The following FAM151B variants were observed in gnomAD, a reference collection of about 807,000 sequenced individuals.
The protein encoded by FAM151B is family with sequence similarity 151 member B.
FAM151B carries 24 observed loss-of-function variants against 31.2 expected under a neutral mutation model. That is an observed-to-expected ratio of 0.77 (90% confidence interval 0.56 to 1.08). FAM151B has a LOEUF of 1.08. Among genes scored for constraint, FAM151B ranks in the 50% least tolerant of loss-of-function variants. FAM151B has a pLI of 0.00. For missense variants in FAM151B, 293 were observed against 328.6 expected (o/e 0.89, Z 0.84); for synonymous variants, 105 against 111.4 (o/e 0.94, Z 0.36).
chr5:80,488,254 C>T (rs2112589571), intron 1 of FAM151B, 106 bp downstream of exon 1: 4 of 1,363,388 alleles, frequency 2.9e-6, no homozygotes, highest in Non-Finnish European at 3.9e-6. Context: ...TGCTAGGGAC[C>T]TGGGAGCGCG....
At chr5:80,495,691 G>T (rs1021867351) in intron 1 of FAM151B, among the ~76,000 whole-genome samples, 1 of 152,020 alleles carries the variant, frequency 6.6e-6, no homozygotes, top group African/African-American at 2.4e-5. Flanking sequence ...TTAGCCGGGC[G>T]TGGTGGCGGA....
At chr5:80,504,281 C>T (rs1009190306) in intron 2 of FAM151B, among the ~76,000 whole-genome samples, 2 of 152,076 alleles carry the variant, frequency 1.3e-5, no homozygotes, top group African/African-American at 2.4e-5. Context: ...CATTATGATT[C>T]TATTCCAAAA....
rs1406619538 is a variant in FAM151B at position 80,538,503 on chromosome 5, C to G, written c.672-3170C>G. On this transcript the variant is annotated intron_variant, in intron 5 of 5. Transcript: ENST00000282226. ...CTTTCTTTCCTTCCTTCCTTCCTTTCTTTTCTTTCTTTCCTTCCTTCCTTC... is the reference window on the plus strand; with the variant it reads ...CTTTCTTTCCTTCCTTCCTTCCTTTGTTTTCTTTCTTTCCTTCCTTCCTTC... Among the ~76,000 whole-genome samples, 13 of 106,486 alleles carry G rather than the reference C, an allele frequency of 1.2e-4. 1 individual carries two copies. Among genetic ancestry groups the G allele is most frequent in the Non-Finnish European group, 7.4e-5 (4 of 53,858 alleles). The allele number at this position is 106,486 out of a possible 152,430, so 69.9% of individuals were successfully genotyped here. A position where few individuals can be genotyped will look rare whatever the true frequency, so the allele number is the denominator to read the frequency against.
At chr5:80,502,122 G>GTGCT (rs1258067671) in intron 2 of FAM151B, among the ~76,000 whole-genome samples, 1 of 151,798 alleles carries the variant, frequency 6.6e-6, no homozygotes, top group Non-Finnish European at 1.5e-5. Flanking sequence ...TGTTGCCCAG[G>GTGCT]CTGGAAAACA....
chr5:80,533,420 GCAAAC>G (rs1047999262), intron 5 of FAM151B, among the ~76,000 whole-genome samples: 9 of 150,048 alleles, frequency 6.0e-5, no homozygotes, highest in Admixed American at 4.0e-4. Context: ...AAAAGCAAGA[GCAAAC>G]CAAACCCAAA....
At chr5:80,514,518 T>TAATA (rs1238583079) in intron 3 of FAM151B, among the ~76,000 whole-genome samples, 1 of 148,612 alleles carries the variant, frequency 6.7e-6, no homozygotes, top group Non-Finnish European at 1.5e-5. Context: ...ATAATAATAA[T>TAATA]AATATTTGGA....
At chr5:80,533,803 A>G (rs908125369) in intron 5 of FAM151B, among the ~76,000 whole-genome samples, 4 of 151,844 alleles carry the variant, frequency 2.6e-5, no homozygotes, top group Admixed American at 1.3e-4. Flanking sequence ...TGAAAACAGT[A>G]TAAAAGATCA....
At position 80,513,786 on chromosome 5, in the gene FAM151B, G is replaced by A. The variant is rs375932934; in HGVS notation, c.317+17G>A. 5.1e-6 allele frequency: 8 copies of A among 1,581,870 alleles called. No individual in the cohort carries two copies. The highest frequency in any genetic ancestry group is 2.2e-5 in the East Asian group (1 of 44,452). On this transcript the variant is annotated intron_variant, in intron 3 of 5. Transcript: ENST00000282226. ...TTTCAAAAGGTATTTGTATAAACAC[G>A]TTCAATTTTCTGGGAAAAAAGTAAT...
At chr5:80,497,299 C>T (rs1561360494) in intron 1 of FAM151B, among the ~76,000 whole-genome samples, 1 of 151,780 alleles carries the variant, frequency 6.6e-6, no homozygotes, top group Admixed American at 6.6e-5. Flanking sequence ...ATGGTAATCT[C>T]AGCTGCTCAG....
In FAM151B at chr5:80,504,514, CTTTTTTTTTTTTTTT is replaced by C. The variant is rs11340979; in HGVS notation, c.151+2608_151+2622del. Among the ~76,000 whole-genome samples, 363 of 58,780 alleles carry C rather than the reference CTTTTTTTTTTTTTTT, an allele frequency of 6.2e-3. 2 individuals are homozygous for C. Among genetic ancestry groups the C allele is most frequent in the Middle Eastern group, 0.014 (1 of 70 alleles). 38.6% of individuals were successfully genotyped at this position (58,780 alleles called of 152,430 possible). A position where few individuals can be genotyped will look rare whatever the true frequency, so the allele number is the denominator to read the frequency against. ...GAATTAGCAGACTGCGACTATTACT[CTTTTTTTTTTTTTTT>C]TTTTTTTTTTGAGATGGAGTCTTGA... On this transcript the variant is annotated intron_variant, in intron 2 of 5. Transcript: ENST00000282226.
At chr5:80,489,745 A>C (rs1230873704) in intron 1 of FAM151B, among the ~76,000 whole-genome samples, 2 of 152,194 alleles carry the variant, frequency 1.3e-5, no homozygotes, top group Non-Finnish European at 2.9e-5. Flanking sequence ...TAACACAGTG[A>C]AACCTCGTCT....
At chr5:80,498,486 T>C in intron 1 of FAM151B, 1 of 713,406 alleles carries the variant, frequency 1.4e-6, no homozygotes, top group Non-Finnish European at 2.3e-6. Context: ...TGGGGGGCTT[T>C]TAAAAAAGAT....
intron 3 of FAM151B, among the ~76,000 whole-genome samples, chr5:80,518,411 T>G (rs1341573163): frequency 1.2e-4 from 19 of 152,142 alleles, no homozygotes; most frequent in Admixed American, 9.2e-4. Context: ...TACAAGTTGC[T>G]TGCTACGAAA....
At chr5:80,512,390 A>G (rs972251073) in intron 2 of FAM151B, among the ~76,000 whole-genome samples, 5 of 152,188 alleles carry the variant, frequency 3.3e-5, no homozygotes, top group East Asian at 1.9e-4. Flanking sequence ...TTATGCTTGC[A>G]AAAATGTGTG....
At chr5:80,501,011 A>T (rs1743720137) in intron 1 of FAM151B, 3 of 521,554 alleles carry the variant, frequency 5.8e-6, no homozygotes, top group South Asian at 2.2e-5. Flanking sequence ...ATCCATTTTT[A>T]TTTTATTTTA....
intron 4 of FAM151B, among the ~76,000 whole-genome samples, chr5:80,521,655 A>G (rs1009649427): frequency 7.2e-5 from 11 of 152,192 alleles, no homozygotes; most frequent in African/African-American, 2.7e-4. Flanking sequence ...AATAATAATG[A>G]TGCAGGTGTA....
At chr5:80,538,456 T>TTCTTTCTTTC (rs1745670323) in intron 5 of FAM151B, among the ~76,000 whole-genome samples, 2 of 59,642 alleles carry the variant, frequency 3.4e-5, no homozygotes, top group Non-Finnish European at 7.1e-5. Context: ...TTCTCTTTCT[T>TTCTTTCTTTC]TCTTTCTTTC....
At chr5:80,527,451 G>A (rs1270299724) in intron 5 of FAM151B, among the ~76,000 whole-genome samples, 2 of 151,698 alleles carry the variant, frequency 1.3e-5, no homozygotes, top group African/African-American at 4.8e-5. Flanking sequence ...ATTTCATTAG[G>A]TAATTTTGTC....
At chr5:80,526,275 G>A (rs1744961138) in intron 5 of FAM151B, among the ~76,000 whole-genome samples, 1 of 151,982 alleles carries the variant, frequency 6.6e-6, no homozygotes, top group South Asian at 2.1e-4. Context: ...TTTGGATATT[G>A]TGTCCAAATC....
Sources: gnomAD v4.1 joint callset for allele counts (sites outside exome capture counted in the v4.1 genomes callset) on GRCh38, gnomAD v4.1.1 for gene constraint, MANE v1.5 for transcripts, NCBI Gene and HGNC (gene_info 2026-07-23, HGNC 2026-07-21) for gene names.